ZNF442: variants seen among roughly 807,000 people sequenced by gnomAD.
ZNF442 encodes the protein zinc finger protein 442.
ZNF442 carries 45 observed loss-of-function variants against 57.0 expected under a neutral mutation model. The ratio of observed to expected loss-of-function variants is 0.79; its 90% CI spans 0.62 to 1.01. The LOEUF (loss-of-function observed/expected upper bound fraction) is 1.01. Among genes scored for constraint, ZNF442 ranks in the 50% least tolerant of loss-of-function variants. The pLI, the probability that ZNF442 is intolerant of heterozygous loss-of-function variation, is 0.00. For synonymous variants in ZNF442, 213 were observed against 241.8 expected (o/e 0.88, Z 1.10); for missense variants, 690 against 756.5 (o/e 0.91, Z 1.03).
At chr19:12,372,113 A>G in the ZNF442 span, among the ~76,000 whole-genome samples, 1 of 152,178 alleles carries the variant, frequency 6.6e-6, no homozygotes, top group Non-Finnish European at 1.5e-5. Context: ...AACAAACACC[A>G]CCATTAAAAA....
At chr19:12,369,184 C>G (rs558293858), upstream of ZNF442, among the ~76,000 whole-genome samples, 75 of 151,828 alleles carry the variant, frequency 4.9e-4, no homozygotes, top group Middle Eastern at 3.5e-3. Flanking sequence ...GCTCTTGCTC[C>G]GAAGATACTT....
rs1969218240 is a variant in ZNF442, at chr19:12,350,807, T to C, written c.778A>G (p.Thr260Ala). The change falls in exon 6 of 6, where the codon ACT becomes GCT. Residue 260 changes from threonine to alanine, a missense_variant. Transcript: ENST00000242804. ...TTGCATTCATATGGTTTCTCCCCAGTGTGTGTTCTTTCATGTCTTAGATAG... is the reference window on the plus strand; with the variant it reads ...TTGCATTCATATGGTTTCTCCCCAGCGTGTGTTCTTTCATGTCTTAGATAG... ...SSYLRHERTH[T>A]GEKPYECKHC... The C allele has an allele frequency of 6.2e-7, 1 of 1,614,142 alleles. No homozygotes were observed. Among genetic ancestry groups the C allele is most frequent in the Non-Finnish European group, 8.5e-7 (1 of 1,180,020 alleles).
In ZNF442 at chr19:12,362,638, C is replaced by A. The variant is rs529931712; in HGVS notation, c.78+916G>T. On this transcript the variant is annotated intron_variant, in intron 3 of 5. Transcript: ENST00000242804. ...GCCGCCCCCTCCGGGAGGTGGGGGG[C>A]GCCTCTGCCCGGCCGCCCCGTCTGG... Among the ~76,000 whole-genome samples the A allele has an allele frequency of 4.0e-5, 6 of 150,210 alleles. No homozygotes were observed. In the East Asian group the frequency reaches 1.2e-3, roughly 30 times the overall value.
At chr19:12,367,097 C>T (rs1371318442), upstream of ZNF442, among the ~76,000 whole-genome samples, 1 of 152,240 alleles carries the variant, frequency 6.6e-6, no homozygotes, top group Admixed American at 6.5e-5. Context: ...AACCCACACC[C>T]AGCTGAAGAG....
intron 3 of ZNF442, among the ~76,000 whole-genome samples, chr19:12,361,177 G>A (rs1213599176): frequency 6.6e-6 from 1 of 152,118 alleles, no homozygotes; most frequent in Non-Finnish European, 1.5e-5. Context: ...GGCAACAAGA[G>A]TGAAACTCCG....
intron 2 of ZNF442, 56 bp from the exon 3 acceptor site, chr19:12,363,727 G>A (rs943007153): frequency 1.6e-4 from 184 of 1,143,056 alleles, no homozygotes; most frequent in Non-Finnish European, 2.3e-4. Flanking sequence ...TTATAGAAAT[G>A]GTATACCAGA....
intron 3 of ZNF442, among the ~76,000 whole-genome samples, chr19:12,362,996 AAAC>A (rs1969463149): frequency 6.6e-6 from 1 of 151,204 alleles, no homozygotes; most frequent in African/African-American, 2.4e-5. Flanking sequence ...ACAAAAAACA[AAAC>A]AAAAAAAAAA....
At chr19:12,369,602 A>G (rs1057094939), upstream of ZNF442, among the ~76,000 whole-genome samples, 111 of 151,122 alleles carry the variant, frequency 7.3e-4, no homozygotes, top group African/African-American at 2.6e-3. Flanking sequence ...ACTCCATCTC[A>G]AAACAAAACA....
rs187057334 is a variant in ZNF442 at position 12,346,320 on chromosome 19, A to G, written c.*3381T>C. 10 of 152,334 alleles carry G rather than the reference A, an allele frequency of 6.6e-5. No homozygotes were observed. The highest frequency in any genetic ancestry group is 2.4e-4 in the African/African-American group (10 of 41,580). The allele number at this position is 152,334 out of a possible 1,614,324, so 9.4% of individuals were successfully genotyped here. On this transcript the variant is annotated 3_prime_UTR_variant, in exon 6 of 6. Coordinates refer to ENST00000242804, the MANE Select transcript of ZNF442 (RefSeq NM_030824.3). ...AAACTGGTTCAAAAAATATATAAACAACCAACAAAAACAAAAACCAATGTG... is the reference window on the plus strand; with the variant it reads ...AAACTGGTTCAAAAAATATATAAACGACCAACAAAAACAAAAACCAATGTG...
chr19:12,369,148 C>T (rs1014929491), upstream of ZNF442, among the ~76,000 whole-genome samples: 1 of 151,628 alleles, frequency 6.6e-6, no homozygotes, highest in African/African-American at 2.4e-5. Flanking sequence ...ATTTTCTGGC[C>T]AGAGAAGGAG....
rs527954699 is a variant in ZNF442 at position 12,355,383 on chromosome 19, C to T, written c.79-2269G>A. Among the ~76,000 whole-genome samples the T allele has an allele frequency of 1.0e-4, 14 of 139,016 alleles. No individual in the cohort carries two copies. The South Asian group carries it at 2.8e-3, about 28-fold the overall frequency. The allele number at this position is 139,016 out of a possible 152,430, so 91.2% of individuals were successfully genotyped here. On this transcript the variant is annotated intron_variant, in intron 3 of 5. Coordinates refer to ENST00000242804, the MANE Select transcript of ZNF442 (RefSeq NM_030824.3). ...TGAGAATTTTTTTTTTTTTTTGAGA[C>T]GGAGTTTCGCTCTTATTACCCAGGC...
At chr19:12,359,051 G>A (rs1969381011) in intron 3 of ZNF442, among the ~76,000 whole-genome samples, 1 of 152,152 alleles carries the variant, frequency 6.6e-6, no homozygotes, top group African/African-American at 2.4e-5. Flanking sequence ...GCAAAGGAAG[G>A]GGAGGGATTG....
chr19:12,352,925 G>GC, intron 4 of ZNF442, 63 bp downstream of exon 4: 6 of 1,568,468 alleles, frequency 3.8e-6, no homozygotes, highest in Non-Finnish European at 5.2e-6. Flanking sequence ...TCATTCAACA[G>GC]CATTGATGAC....
rs1969517616 is a variant in ZNF442, at chr19:12,365,515, C to T, written c.-483+18G>A. ...AGTCCTTCGCCCTGCCCCAGGACGC[C>T]GGGCCCCGCACACTCACCATTTCCC... is the stretch of plus-strand genomic sequence containing the variant. On this transcript the variant is annotated intron_variant, in intron 1 of 5. Transcript: ENST00000242804. The T allele has an allele frequency of 3.5e-6, 2 of 565,806 alleles. No homozygotes were observed. The highest frequency in any genetic ancestry group is 6.3e-6 in the Non-Finnish European group (2 of 318,798). The allele number at this position is 565,806 out of a possible 1,614,324, so 35.0% of individuals were successfully genotyped here.
upstream of ZNF442, among the ~76,000 whole-genome samples, chr19:12,366,292 C>G (rs1214059353): frequency 6.6e-6 from 1 of 152,094 alleles, no homozygotes; most frequent in East Asian, 1.9e-4. Flanking sequence ...AAGAAAAAAC[C>G]TGAATTAGTT....
chr19:12,366,548 T>A (rs1240654795), upstream of ZNF442, among the ~76,000 whole-genome samples: 1 of 152,220 alleles, frequency 6.6e-6, no homozygotes, highest in East Asian at 1.9e-4. Flanking sequence ...CCTCTCATCT[T>A]AAAATACAGC....
Position 12,346,826 on chromosome 19 carries a change from G to T in ZNF442, c.*2875C>A, listed in dbSNP as rs1200003999. On this transcript the variant is annotated 3_prime_UTR_variant, in exon 6 of 6. Transcript: ENST00000242804. Reference sequence around the variant, plus strand: ...GATAAACCTTGAAAACGTTCTAAGTGAAATAAGCCAGACATGGAAGGACAC... The same window carrying T: ...GATAAACCTTGAAAACGTTCTAAGTTAAATAAGCCAGACATGGAAGGACAC... 3 of 152,170 alleles carry T rather than the reference G, an allele frequency of 2.0e-5. No homozygotes were observed. Among genetic ancestry groups the T allele is most frequent in the Non-Finnish European group, 4.4e-5 (3 of 68,018 alleles). The allele number at this position is 152,170 out of a possible 1,614,324, so 9.4% of individuals were successfully genotyped here.
chr19:12,348,723 T>C lies in ZNF442; in HGVS notation c.*978A>G, dbSNP rs1164706784. 1 of 152,078 alleles carries C rather than the reference T, an allele frequency of 6.6e-6. No individual in the cohort carries two copies. Among genetic ancestry groups the C allele is most frequent in the East Asian group, 1.9e-4 (1 of 5,180 alleles). The allele number at this position is 152,078 out of a possible 1,614,324, so 9.4% of individuals were successfully genotyped here. ...CACTGTTTATCTACAGTGCCACCCA[T>C]CTAGTCACCTCAGTGAATCATATTA... On this transcript the variant is annotated 3_prime_UTR_variant, in exon 6 of 6. Coordinates refer to ENST00000242804, the MANE Select transcript of ZNF442 (RefSeq NM_030824.3).
rs1172212674 is a variant in ZNF442 at position 12,354,416 on chromosome 19, A to T, written c.79-1302T>A. ...AAAGAACTCAATGTTACCTCTCATG[A>T]ATATCGATAATATTCCCTAAATAGC... is the stretch of plus-strand genomic sequence containing the variant. On this transcript the variant is annotated intron_variant, in intron 3 of 5. Transcript: ENST00000242804. Among the ~76,000 whole-genome samples the T allele has an allele frequency of 2.0e-5, 3 of 152,360 alleles. No individual in the cohort carries two copies. The East Asian group carries it at 5.8e-4, about 29-fold the overall frequency.
Sources: gnomAD v4.1 joint callset for allele counts (sites outside exome capture counted in the v4.1 genomes callset) on GRCh38, gnomAD v4.1.1 for gene constraint, MANE v1.5 for transcripts, NCBI Gene and HGNC (gene_info 2026-07-23, HGNC 2026-07-21) for gene names.